NR6A1: variants seen among roughly 807,000 people sequenced by gnomAD.
The protein encoded by NR6A1 is retinoic acid receptor-related testis-associated receptor.
A neutral mutation model predicts 59.1 loss-of-function variants in NR6A1; 7 were observed. That is an observed-to-expected ratio of 0.12 (90% confidence interval 0.07 to 0.22). The LOEUF (loss-of-function observed/expected upper bound fraction) is 0.22. NR6A1 is among the 10% of genes least tolerant of loss of function. The probability of loss-of-function intolerance (pLI) is 1.00; values close to 1 mark genes in which losing one functional copy is unlikely to be tolerated. For synonymous variants in NR6A1, 243 were observed against 236.1 expected, an observed-to-expected ratio of 1.03 and a Z score of -0.27; for missense variants, 468 against 611.6, an observed-to-expected ratio of 0.77 and a Z score of 2.48.
At chr9:124,706,727 A>G (rs1839144550) in intron 2 of NR6A1, among the ~76,000 whole-genome samples, 1 of 152,088 alleles carries the variant, frequency 6.6e-6, no homozygotes, top group Non-Finnish European at 1.5e-5. Context: ...CATGTTGTCC[A>G]GGATGGTCTC....
At chr9:124,689,718 A>G (rs1015485300) in intron 2 of NR6A1, among the ~76,000 whole-genome samples, 6 of 152,198 alleles carry the variant, frequency 3.9e-5, no homozygotes, top group African/African-American at 1.4e-4. Context: ...ATGGTTTTCC[A>G]TTGGAATTAG....
At chr9:124,746,513 C>G (rs557667763) in intron 1 of NR6A1, among the ~76,000 whole-genome samples, 2 of 151,952 alleles carry the variant, frequency 1.3e-5, no homozygotes, top group African/African-American at 4.8e-5. Context: ...CACTTGAACC[C>G]GGGAGGCAAA....
At chr9:124,588,936 AAG>A (rs202171804) in intron 2 of NR6A1, among the ~76,000 whole-genome samples, 7,264 of 145,920 alleles carry the variant, frequency 0.05, 491 homozygotes, top group East Asian at 0.15. Context: ...AAAAAAAAGA[AAG>A]AAAAAAAAAA....
intron 2 of NR6A1, among the ~76,000 whole-genome samples, chr9:124,664,762 C>T (rs924758734): frequency 6.6e-6 from 1 of 152,044 alleles, no homozygotes; most frequent in African/African-American, 2.4e-5. Context: ...CAATATTAAG[C>T]TTCTAATATG....
chr9:124,655,956 T>TC (rs900387350), intron 2 of NR6A1, among the ~76,000 whole-genome samples: 1 of 152,210 alleles, frequency 6.6e-6, no homozygotes, highest in East Asian at 1.9e-4. Context: ...ATTTGTTTGC[T>TC]CCCCCCTCAT....
At chr9:124,569,434 C>T (rs1352962272) in intron 2 of NR6A1, among the ~76,000 whole-genome samples, 1 of 152,138 alleles carries the variant, frequency 6.6e-6, no homozygotes, top group Non-Finnish European at 1.5e-5. Flanking sequence ...ATTTGGAAAC[C>T]GATTTTTATC....
At chr9:124,690,180 G>T (rs1269041167) in intron 2 of NR6A1, among the ~76,000 whole-genome samples, 1 of 152,208 alleles carries the variant, frequency 6.6e-6, no homozygotes, top group Non-Finnish European at 1.5e-5. Flanking sequence ...CGGCACCTGA[G>T]ACGATGACTC....
At chr9:124,765,838 G>A (rs1483559364) in intron 1 of NR6A1, among the ~76,000 whole-genome samples, 2 of 152,172 alleles carry the variant, frequency 1.3e-5, no homozygotes, top group South Asian at 2.1e-4. Context: ...AATACCGTAG[G>A]AAATGTTTTA....
At chr9:124,662,268 A>G (rs1837463364) in intron 2 of NR6A1, among the ~76,000 whole-genome samples, 1 of 152,188 alleles carries the variant, frequency 6.6e-6, no homozygotes, top group Non-Finnish European at 1.5e-5. Flanking sequence ...TGAGACAATT[A>G]ATTCAATAGT....
chr9:124,685,470 T>C (rs1317443145), intron 2 of NR6A1, among the ~76,000 whole-genome samples: 1 of 152,160 alleles, frequency 6.6e-6, no homozygotes, highest in Non-Finnish European at 1.5e-5. Context: ...CTAGAACTAC[T>C]GGCAGACATC....
chr9:124,728,559 C>T (rs1484807782), intron 2 of NR6A1, among the ~76,000 whole-genome samples: 2 of 151,802 alleles, frequency 1.3e-5, no homozygotes, highest in Non-Finnish European at 2.9e-5. Context: ...CGCTTGAACC[C>T]GGGAGGCAGA....
intron 2 of NR6A1, among the ~76,000 whole-genome samples, chr9:124,681,589 C>T (rs1246822542): frequency 6.6e-6 from 1 of 152,020 alleles, no homozygotes; most frequent in Non-Finnish European, 1.5e-5. Context: ...ATCTGCCCAC[C>T]TCGGTCTCCC....
intron 2 of NR6A1, among the ~76,000 whole-genome samples, chr9:124,637,074 T>C (rs1836631294): frequency 6.6e-6 from 1 of 152,138 alleles, no homozygotes; most frequent in Non-Finnish European, 1.5e-5. Context: ...GCAGGAGTGA[T>C]ACATCTCTCT....
At chr9:124,717,629 T>C (rs902794922) in intron 2 of NR6A1, among the ~76,000 whole-genome samples, 2 of 152,236 alleles carry the variant, frequency 1.3e-5, no homozygotes, top group African/African-American at 2.4e-5. Context: ...TGTATCTTGA[T>C]AGAATGTGGA....
intron 2 of NR6A1, among the ~76,000 whole-genome samples, chr9:124,587,796 T>C (rs747473296): frequency 1.1e-4 from 17 of 152,326 alleles, no homozygotes; most frequent in Non-Finnish European, 2.2e-4. Context: ...CTTTTACACA[T>C]TACATTCACA....
intron 7 of NR6A1, among the ~76,000 whole-genome samples, chr9:124,534,705 T>C (rs1346422719): frequency 6.6e-6 from 1 of 152,214 alleles, no homozygotes; most frequent in East Asian, 1.9e-4. Flanking sequence ...TATGCTCAAA[T>C]CTAAGGCTCT....
intron 2 of NR6A1, among the ~76,000 whole-genome samples, chr9:124,566,444 A>G (rs1834241590): frequency 6.6e-6 from 1 of 152,258 alleles, no homozygotes; most frequent in African/African-American, 2.4e-5. Context: ...AGAAAGGGAA[A>G]TGATATCAGC....
intron 2 of NR6A1, among the ~76,000 whole-genome samples, chr9:124,640,171 T>C (rs1232101207): frequency 6.6e-6 from 1 of 152,194 alleles, no homozygotes; most frequent in Admixed American, 6.5e-5. Context: ...AATTCTGAGA[T>C]GGAATTCAGC....
intron 2 of NR6A1, among the ~76,000 whole-genome samples, chr9:124,638,258 G>A (rs1686351725): frequency 6.7e-6 from 1 of 149,702 alleles, no homozygotes; most frequent in Admixed American, 6.6e-5. Flanking sequence ...TGTCTCTTTG[G>A]TGTTTAAAAA....
Sources: gnomAD v4.1 joint callset for allele counts (sites outside exome capture counted in the v4.1 genomes callset) on GRCh38, gnomAD v4.1.1 for gene constraint, MANE v1.5 for transcripts, NCBI Gene and HGNC (gene_info 2026-07-23, HGNC 2026-07-21) for gene names.